ATG2A: variants seen among roughly 807,000 people sequenced by gnomAD.
ATG2A encodes autophagy related 2A.
A neutral mutation model predicts 214.2 loss-of-function variants in ATG2A; 103 were observed. That is an observed-to-expected ratio of 0.48 (90% CI 0.41 to 0.57). The LOEUF (loss-of-function observed/expected upper bound fraction) is 0.57. ATG2A is among the 20% of genes least tolerant of loss of function. The pLI, the probability that ATG2A is intolerant of heterozygous loss-of-function variation, is 0.00. For missense variants in ATG2A, 2,312 were observed against 2,613.2 expected, an observed-to-expected ratio of 0.88 and a Z score of 2.51; for synonymous variants, 1,160 against 1,142.1, an observed-to-expected ratio of 1.02 and a Z score of -0.32.
Position 64,900,743 on chromosome 11 carries a change from C to T in ATG2A, c.4329-114G>A, listed in dbSNP as rs904234306. On this transcript the variant is annotated intron_variant, in intron 30 of 40. Transcript: ENST00000377264. ...CCCCGCTAGCCCCAGTCCTGGAAGG[C>T]AGGCGGGATAAGGAAGGATGAGGAA... 5.5e-6 allele frequency: 8 copies of T among 1,448,582 alleles called. No homozygotes were observed. In the African/African-American group the frequency reaches 1.0e-4, roughly 18 times the overall value. The allele number at this position is 1,448,582 out of a possible 1,614,324, so 89.7% of individuals were successfully genotyped here.
At position 64,906,784 on chromosome 11, in the gene ATG2A, T is replaced by C. The variant is rs1944568663; in HGVS notation, c.2864A>G (p.His955Arg). The change falls in exon 20 of 41, where the codon CAC (histidine) becomes CGC (arginine). Residue 955 changes from histidine (H) to arginine (R), a missense_variant. Transcript: ENST00000377264. ...DEGGKRLEAV[H>R]GELVLDMEHG... The stretch of plus-strand genomic sequence containing the variant: ...CTCCATGTCCAGCACCAGCTCCCCG[T>C]GCACAGCCTCCAGCCGCTTCCCACC... 6 of 1,613,156 alleles carry C rather than the reference T, an allele frequency of 3.7e-6. No homozygotes were observed. The Admixed American group carries it at 1.0e-4, about 27-fold the overall frequency.
At chr11:64,904,844 C>T (rs1003124258) in intron 24 of ATG2A, among the ~76,000 whole-genome samples, 2 of 151,168 alleles carry the variant, frequency 1.3e-5, no homozygotes, top group African/African-American at 4.9e-5. Flanking sequence ...ATCTATCTAT[C>T]TATCTATCTA....
rs751889175 is a variant in ATG2A at position 64,912,093 on chromosome 11, T to C, written c.1079A>G (p.Asp360Gly). 1 of 1,613,466 alleles carries C rather than the reference T, an allele frequency of 6.2e-7. No individual in the cohort carries two copies. Among genetic ancestry groups the C allele is most frequent in the South Asian group, 1.1e-5 (1 of 91,048 alleles). The change falls in exon 8 of 41, where the codon GAT becomes GGT. Residue 360 changes from aspartate (D) to glycine (G), a missense_variant. Asp to Gly is a moderately conservative substitution (Grantham distance 94). Transcript: ENST00000377264. ...TCTGACCCCACACCCACCAGTGTTATCCAGGTTGAGAAGGGGGTTGGTAAG... is the reference window on the plus strand; with the variant it reads ...TCTGACCCCACACCCACCAGTGTTACCCAGGTTGAGAAGGGGGTTGGTAAG... ...DPLTNPLLNL[D>G]NTDLFFSMAG... is the part of the protein sequence containing the mutation.
chr11:64,913,068 C>A lies in ATG2A; in HGVS notation c.795G>T (p.Leu265Phe). 2 of 1,568,700 alleles carry A rather than the reference C, an allele frequency of 1.3e-6. No individual in the cohort carries two copies. Among genetic ancestry groups the A allele is most frequent in the South Asian group, 2.4e-5 (2 of 85,070 alleles). The change falls in exon 6 of 41, where the codon TTG (leucine) becomes TTT (phenylalanine). Residue 265 changes from leucine to phenylalanine, a missense_variant. By Grantham distance (22) the Leu-to-Phe change is conservative. Transcript: ENST00000377264. The surrounding 1 kb of genome is among the most constrained non-coding windows in gnomAD (Gnocchi z 4.3). ...CSGYMELMVK[L>F]KQNEAFPGPK... The stretch of plus-strand genomic sequence containing the variant: ...GGCCAGGGAAGGCCTCATTTTGCTT[C>A]AACTTCACCATCAGCTCCATGTACC...
In ATG2A at chr11:64,903,539, C is replaced by A; in HGVS notation, c.3535+51G>T. On this transcript the variant is annotated intron_variant, in intron 25 of 40. Transcript: ENST00000377264. This position sits in a 1 kb window ranked among gnomAD's most constrained non-coding sequence, Gnocchi z 4.2. Reference sequence around the variant, plus strand: ...GACACCTGGCTGCTCTGGGTGTGGCCGGGGCGGTGGTCCCTCAGAGGGGAG... The same window carrying A: ...GACACCTGGCTGCTCTGGGTGTGGCAGGGGCGGTGGTCCCTCAGAGGGGAG... 1 of 1,513,686 alleles carries A rather than the reference C, an allele frequency of 6.6e-7. No individual in the cohort carries two copies. The highest frequency in any genetic ancestry group is 1.3e-5 in the South Asian group (1 of 79,160). 93.8% of individuals were successfully genotyped at this position (1,513,686 alleles called of 1,614,324 possible). A position where few individuals can be genotyped will look rare whatever the true frequency, so the allele number is the denominator to read the frequency against.
At position 64,896,863 on chromosome 11, in the gene ATG2A, C is replaced by G; in HGVS notation, c.5157G>C (p.Leu1719=). ...LKRLCCRHGL[L]GVDKVLGYAL... ...CATAGCCCAGCACCTTGTCCACACC[C>G]AGGAGCCTGGCAGGGCAGGGAGGTG... Residue 1719 remains leucine, a synonymous_variant, in exon 38 of 41, where the codon CTG becomes CTC. Coordinates refer to ENST00000377264, the MANE Select transcript of ATG2A (RefSeq NM_015104.3). 4 of 1,613,768 alleles carry G rather than the reference C, an allele frequency of 2.5e-6. No homozygotes were observed. The highest frequency in any genetic ancestry group is 2.2e-5 in the South Asian group (2 of 91,086).
Position 64,917,195 on chromosome 11 carries a change from G to C in ATG2A, c.-60C>G. On this transcript the variant is annotated 5_prime_UTR_variant, in exon 1 of 41. Transcript: ENST00000377264. ...GCCGCCCGCCGGCGATCCCCGTCCG[G>C]CTCCGCTGTTCACTAGAGCCCCCGG... 6.6e-7 allele frequency: 1 copy of C among 1,523,474 alleles called. No individual in the cohort carries two copies. Among genetic ancestry groups the C allele is most frequent in the Non-Finnish European group, 8.8e-7 (1 of 1,132,410 alleles). The allele number at this position is 1,523,474 out of a possible 1,614,324, so 94.4% of individuals were successfully genotyped here. A position where few individuals can be genotyped will look rare whatever the true frequency, so the allele number is the denominator to read the frequency against.
Position 64,902,026 on chromosome 11 carries a change from C to T in ATG2A, c.4055G>A (p.Gly1352Asp). ...EEKEDEREEEGDGDTLDSDEF... is the reference protein window; with the variant it reads ...EEKEDEREEEDDGDTLDSDEF... ...ATCACTGTCCAGGGTGTCTCCATCG[C>T]CCTCCTCTTCCCTTTCATCTTCCTT... is the stretch of plus-strand genomic sequence containing the variant. The change falls in exon 29 of 41, where the codon GGC becomes GAC. Residue 1352 changes from glycine (G) to aspartate (D), a missense_variant. Transcript: ENST00000377264. 1 of 1,614,028 alleles carries T rather than the reference C, an allele frequency of 6.2e-7. No individual in the cohort carries two copies. Among genetic ancestry groups the T allele is most frequent in the East Asian group, 2.2e-5 (1 of 44,888 alleles).
Position 64,895,813 on chromosome 11 carries a change from G to A in ATG2A, c.5428-371C>T, listed in dbSNP as rs1237754847. Among the ~76,000 whole-genome samples the A allele has an allele frequency of 6.6e-6, 1 of 152,144 alleles. No homozygotes were observed. Among genetic ancestry groups the A allele is most frequent in the African/African-American group, 2.4e-5 (1 of 41,416 alleles). ...CAGACGCCCCTGCCAGATGGTCAGA[G>A]GCCCATCCTTCCTTCTGTCTGCCAG... On this transcript the variant is annotated intron_variant, in intron 39 of 40. Coordinates refer to ENST00000377264, the MANE Select transcript of ATG2A (RefSeq NM_015104.3). The surrounding 1 kb of genome is among the most constrained non-coding windows in gnomAD (Gnocchi z 5.0).
At chr11:64,908,821 ACTGG>A (rs1212724259) in intron 16 of ATG2A, among the ~76,000 whole-genome samples, 166 bp downstream of exon 16, 1 of 152,232 alleles carries the variant, frequency 6.6e-6, no homozygotes, top group African/African-American at 2.4e-5. Context: ...AGACTCTCTG[ACTGG>A]CTGGAAAGAA....
intron 24 of ATG2A, 85 bp downstream of exon 24, chr11:64,905,471 CATTAAGA>C: frequency 7.6e-7 from 1 of 1,311,466 alleles, no homozygotes; most frequent in South Asian, 1.3e-5. Context: ...CCCGGGTGTA[CATTAAGA>C]CCGAGAGCAC....
chr11:64,913,940 G>A lies in ATG2A; in HGVS notation c.488-17C>T, dbSNP rs1274681283. 7 of 1,612,668 alleles carry A rather than the reference G, an allele frequency of 4.3e-6. No individual in the cohort carries two copies. The highest frequency in any genetic ancestry group is 5.9e-6 in the Non-Finnish European group (7 of 1,179,096). ...TCCGAAGCACTGAGGAGTTGGGGAG[G>A]GGTCTCAGGTCAGGTAGAGCAGCAA... On this transcript the variant is annotated splice_polypyrimidine_tract_variant and intron_variant, in intron 3 of 40. Coordinates refer to ENST00000377264, the MANE Select transcript of ATG2A (RefSeq NM_015104.3). The surrounding 1 kb of genome is among the most constrained non-coding windows in gnomAD (Gnocchi z 4.3).
chr11:64,913,024 G>A lies in ATG2A; in HGVS notation c.825+14C>T, dbSNP rs1944835878. On this transcript the variant is annotated intron_variant, in intron 6 of 40. Coordinates refer to ENST00000377264, the MANE Select transcript of ATG2A (RefSeq NM_015104.3). This position sits in a 1 kb window ranked among gnomAD's most constrained non-coding sequence, Gnocchi z 4.3. ...TGGGGTACTCACCCCCTCCCCAGGGGCCTGGGGACCCACCTTGGGGCCAGG... is the reference window on the plus strand; with the variant it reads ...TGGGGTACTCACCCCCTCCCCAGGGACCTGGGGACCCACCTTGGGGCCAGG... 6.6e-7 allele frequency: 1 copy of A among 1,525,642 alleles called. No homozygotes were observed. The highest frequency in any genetic ancestry group is 8.8e-7 in the Non-Finnish European group (1 of 1,130,590). The allele number at this position is 1,525,642 out of a possible 1,614,324, so 94.5% of individuals were successfully genotyped here. A position where few individuals can be genotyped will look rare whatever the true frequency, so the allele number is the denominator to read the frequency against.
Position 64,913,502 on chromosome 11 carries a change from G to A in ATG2A, c.591-101C>T. 1 of 1,394,200 alleles carries A rather than the reference G, an allele frequency of 7.2e-7. No homozygotes were observed. The highest frequency in any genetic ancestry group is 9.5e-7 in the Non-Finnish European group (1 of 1,053,166). 86.4% of individuals were successfully genotyped at this position (1,394,200 alleles called of 1,614,324 possible). ...TAGGGGCACGGGGTCAGGGAGCCTAGCCTGCAGAGCTGCCCCATCACACCT... is the reference window on the plus strand; with the variant it reads ...TAGGGGCACGGGGTCAGGGAGCCTAACCTGCAGAGCTGCCCCATCACACCT... On this transcript the variant is annotated intron_variant, in intron 4 of 40. Coordinates refer to ENST00000377264, the MANE Select transcript of ATG2A (RefSeq NM_015104.3). This position sits in a 1 kb window ranked among gnomAD's most constrained non-coding sequence, Gnocchi z 4.3.
intron 6 of ATG2A, chr11:64,912,705 C>T (rs1009927916): frequency 1.8e-5 from 8 of 445,602 alleles, no homozygotes; most frequent in East Asian, 1.7e-4. Context: ...GCGATTCTCC[C>T]GCCTCAGCCT....
At chr11:64,911,577 C>T (rs1944775643) in intron 9 of ATG2A, among the ~76,000 whole-genome samples, 1 of 152,196 alleles carries the variant, frequency 6.6e-6, no homozygotes, top group African/African-American at 2.4e-5. Flanking sequence ...CTGGCAAAGG[C>T]TGATCTCACC....
At position 64,906,825 on chromosome 11, in the gene ATG2A, G is replaced by A. The variant is rs1489775297; in HGVS notation, c.2833-10C>T. ...GCTTCCCACCCTCATCCTGCAGAAG[G>A]AGCACACAGCCTGGCTTCCCCAGCT... On this transcript the variant is annotated splice_polypyrimidine_tract_variant and intron_variant, in intron 19 of 40. Transcript: ENST00000377264. 1.2e-6 allele frequency: 2 copies of A among 1,611,098 alleles called. No individual in the cohort carries two copies. The highest frequency in any genetic ancestry group is 1.7e-6 in the Non-Finnish European group (2 of 1,179,180).
At position 64,913,759 on chromosome 11, in the gene ATG2A, C is replaced by G; in HGVS notation, c.590+62G>C. The G allele has an allele frequency of 6.5e-7, 1 of 1,526,800 alleles. No individual in the cohort carries two copies. Among genetic ancestry groups the G allele is most frequent in the Non-Finnish European group, 9.0e-7 (1 of 1,111,590 alleles). The allele number at this position is 1,526,800 out of a possible 1,614,324, so 94.6% of individuals were successfully genotyped here. A position where few individuals can be genotyped will look rare whatever the true frequency, so the allele number is the denominator to read the frequency against. ...CAGGAACCTAGGCTGCGGGTGGGGACCATCCAGCAGCCCCCACTCCCCATC... is the reference window on the plus strand; with the variant it reads ...CAGGAACCTAGGCTGCGGGTGGGGAGCATCCAGCAGCCCCCACTCCCCATC... On this transcript the variant is annotated intron_variant, in intron 4 of 40. Transcript: ENST00000377264. The surrounding 1 kb of genome is among the most constrained non-coding windows in gnomAD (Gnocchi z 4.3).
At position 64,913,769 on chromosome 11, in the gene ATG2A, G is replaced by A; in HGVS notation, c.590+52C>T. ...GGCTGCGGGTGGGGACCATCCAGCA[G>A]CCCCCACTCCCCATCTTCACACCAG... On this transcript the variant is annotated intron_variant, in intron 4 of 40. Coordinates refer to ENST00000377264, the MANE Select transcript of ATG2A (RefSeq NM_015104.3). The surrounding 1 kb of genome is among the most constrained non-coding windows in gnomAD (Gnocchi z 4.3). 6.4e-7 allele frequency: 1 copy of A among 1,561,174 alleles called. No homozygotes were observed. The highest frequency in any genetic ancestry group is 1.1e-5 in the South Asian group (1 of 89,838).
Sources: gnomAD v4.1 joint callset for allele counts (sites outside exome capture counted in the v4.1 genomes callset) on GRCh38, gnomAD v4.1.1 for gene constraint, Gnocchi (gnomAD v3.1) non-coding constraint, MANE v1.5 for transcripts, NCBI Gene and HGNC (gene_info 2026-07-23, HGNC 2026-07-21) for gene names.